PLBD1: variants seen among roughly 807,000 people sequenced by gnomAD.
The protein encoded by PLBD1 is lysosomal leucine aminopeptidase.
PLBD1 carries 60 observed loss-of-function variants against 63.0 expected under a neutral mutation model. The observed-to-expected ratio is 0.95, with a 90% CI of 0.77 to 1.18. PLBD1 has a LOEUF of 1.18. Among genes scored for constraint, PLBD1 ranks in the 50% most tolerant of loss-of-function variants. The pLI is 0.00. For synonymous variants in PLBD1, 262 were observed against 248.0 expected (o/e 1.06, Z -0.53); for missense variants, 598 against 677.9 (o/e 0.88, Z 1.31).
chr12:14,562,459 CA>C (rs58838197), intron 1 of PLBD1, among the ~76,000 whole-genome samples: 75 of 102,042 alleles, frequency 7.3e-4, no homozygotes, highest in Middle Eastern at 5.6e-3. Context: ...GACTCCCTCT[CA>C]AAAAAAAAAA....
At chr12:14,561,388 G>T (rs1945741369) in intron 1 of PLBD1, among the ~76,000 whole-genome samples, 2 of 151,896 alleles carry the variant, frequency 1.3e-5, no homozygotes, top group Non-Finnish European at 2.9e-5. Flanking sequence ...ATGCTGTTAG[G>T]TCAGTCCTCA....
Position 14,535,777 on chromosome 12 carries a change from A to C in PLBD1, c.726T>G (p.Leu242=), listed in dbSNP as rs1824545186. Residue 242 remains leucine (L), a synonymous_variant, in exon 6 of 11, where the codon CTT becomes CTG. Transcript: ENST00000240617. ...IKVLPGFENI[L]FAHSSWYTYA... is the part of the protein sequence containing the mutation. ...ACGTGTACCAGCTTGAGTGAGCAAA[A>C]AGGATGTTCTCAAATCCAGGAAGAA... 4 of 1,614,008 alleles carry C rather than the reference A, an allele frequency of 2.5e-6. No homozygotes were observed. The highest frequency in any genetic ancestry group is 3.4e-6 in the Non-Finnish European group (4 of 1,179,974).
chr12:14,550,298 C>G (rs893600764), intron 2 of PLBD1, among the ~76,000 whole-genome samples: 3 of 152,160 alleles, frequency 2.0e-5, no homozygotes, highest in African/African-American at 7.2e-5. Flanking sequence ...CTATCTCTGC[C>G]CCACTCCTGA....
At chr12:14,527,008 C>T (rs1945421644) in intron 6 of PLBD1, among the ~76,000 whole-genome samples, 3 of 152,074 alleles carry the variant, frequency 2.0e-5, no homozygotes, top group Admixed American at 1.3e-4. Context: ...CCAACATACA[C>T]ATACGCCTTC....
At chr12:14,562,062 A>G (rs1189938820) in intron 1 of PLBD1, among the ~76,000 whole-genome samples, 1 of 152,220 alleles carries the variant, frequency 6.6e-6, no homozygotes, top group Admixed American at 6.5e-5. Context: ...CTGCATATGC[A>G]AGGCAGATGG....
chr12:14,506,335 G>T (rs1450929408), intron 9 of PLBD1, 67 bp from the exon 10 acceptor site: 4 of 1,169,904 alleles, frequency 3.4e-6, no homozygotes, highest in Non-Finnish European at 5.0e-6. Context: ...CCACAGTAAG[G>T]TTTTGAGGCC....
At chr12:14,534,208 T>C (rs1945491193) in intron 6 of PLBD1, among the ~76,000 whole-genome samples, 1 of 152,188 alleles carries the variant, frequency 6.6e-6, no homozygotes, top group Admixed American at 6.5e-5. Flanking sequence ...GGTAGATAGA[T>C]ATGACAGGTG....
chr12:14,538,776 G>A (rs113206891), intron 4 of PLBD1, among the ~76,000 whole-genome samples: 12 of 152,024 alleles, frequency 7.9e-5, no homozygotes, highest in East Asian at 1.9e-4. Flanking sequence ...CTGTAATCCC[G>A]GCATTTTGGG....
At chr12:14,566,922 T>C (rs1945791541) in intron 1 of PLBD1, among the ~76,000 whole-genome samples, 1 of 151,980 alleles carries the variant, frequency 6.6e-6, no homozygotes, top group African/African-American at 2.4e-5. Flanking sequence ...TGGTGAAACC[T>C]CGTCTCTACT....
At chr12:14,551,199 C>A (rs1945656652) in intron 2 of PLBD1, among the ~76,000 whole-genome samples, 1 of 152,060 alleles carries the variant, frequency 6.6e-6, no homozygotes, top group South Asian at 2.1e-4. Flanking sequence ...CCCATCCCTA[C>A]TAAAAATACA....
intron 3 of PLBD1, 70 bp from the exon 4 acceptor site, chr12:14,540,972 T>C (rs771057706): frequency 6.3e-6 from 9 of 1,433,492 alleles, no homozygotes; most frequent in Middle Eastern, 3.7e-4. Context: ...AAAGCAGGCA[T>C]TGAGAGATTA....
intron 5 of PLBD1, 161 bp from the exon 6 acceptor site, chr12:14,535,964 A>C: frequency 1.5e-6 from 1 of 651,436 alleles, no homozygotes; most frequent in South Asian, 2.1e-5. Flanking sequence ...TTAACCTTTA[A>C]TGTGGCCCCA....
intron 1 of PLBD1, chr12:14,553,725 C>T: frequency 2.5e-6 from 1 of 406,716 alleles, no homozygotes; most frequent in Admixed American, 3.8e-5. Flanking sequence ...GACCTTACGC[C>T]TACTTATTGA....
intron 6 of PLBD1, among the ~76,000 whole-genome samples, chr12:14,520,625 T>G (rs1945367139): frequency 6.6e-6 from 1 of 151,038 alleles, no homozygotes; most frequent in East Asian, 1.9e-4. Flanking sequence ...TCCGAAGGAG[T>G]ACAATAAGGG....
chr12:14,513,840 C>T (rs1021974969), intron 6 of PLBD1, among the ~76,000 whole-genome samples: 5 of 148,624 alleles, frequency 3.4e-5, no homozygotes, highest in Admixed American at 6.8e-5. Flanking sequence ...AGTGCAGTGG[C>T]GTGATCTTGG....
At chr12:14,531,739 T>G (rs1029172910) in intron 6 of PLBD1, among the ~76,000 whole-genome samples, 1 of 152,174 alleles carries the variant, frequency 6.6e-6, no homozygotes, top group African/African-American at 2.4e-5. Context: ...CAAGCTGTTC[T>G]TCAGCCTCAG....
At chr12:14,519,472 A>G (rs1307208314) in intron 6 of PLBD1, among the ~76,000 whole-genome samples, 1 of 152,060 alleles carries the variant, frequency 6.6e-6, no homozygotes, top group Non-Finnish European at 1.5e-5. Flanking sequence ...ACAAAAAATT[A>G]GCCGGGTGTG....
rs978105244 is a variant in PLBD1 at position 14,536,727 on chromosome 12, A to T, written c.559-17T>A. On this transcript the variant is annotated splice_polypyrimidine_tract_variant and intron_variant, in intron 4 of 10. Coordinates refer to ENST00000240617, the MANE Select transcript of PLBD1 (RefSeq NM_024829.6). ...GGTCATTGGCTAGGAAAGGACAAAG[A>T]CTGCACTTAACATCGTTTTGTGACA... is the stretch of plus-strand genomic sequence containing the variant. 6 of 1,610,686 alleles carry T rather than the reference A, an allele frequency of 3.7e-6. No individual in the cohort carries two copies. Among genetic ancestry groups the T allele is most frequent in the Non-Finnish European group, 5.1e-6 (6 of 1,177,876 alleles).
chr12:14,506,985 G>C lies in PLBD1; in HGVS notation c.1320C>G (p.Asp440Glu), dbSNP rs1364892791. The change falls in exon 9 of 11, where the codon GAC (aspartate) becomes GAG (glutamate). Residue 440 changes from aspartate to glutamate, a missense_variant. Transcript: ENST00000240617. Reference protein sequence around the residue: ...LAPRAKIFRRDQGKVTDTASM... With the variant: ...LAPRAKIFRREQGKVTDTASM... ...ATGCCGTATCAGTCACTTTCCCTTGGTCACGCCGGAAAATTTTGGCTCGTG... is the reference window on the plus strand; with the variant it reads ...ATGCCGTATCAGTCACTTTCCCTTGCTCACGCCGGAAAATTTTGGCTCGTG... The C allele has an allele frequency of 3.1e-6, 5 of 1,614,074 alleles. No homozygotes were observed. Among genetic ancestry groups the C allele is most frequent in the Non-Finnish European group, 4.2e-6 (5 of 1,179,998 alleles).
Sources: gnomAD v4.1 joint callset for allele counts (sites outside exome capture counted in the v4.1 genomes callset) on GRCh38, gnomAD v4.1.1 for gene constraint, MANE v1.5 for transcripts, NCBI Gene and HGNC (gene_info 2026-07-23, HGNC 2026-07-21) for gene names.